C4orf50: variants seen among roughly 807,000 people sequenced by gnomAD.
C4orf50 encodes uncharacterized protein C4orf50.
C4orf50 carries 80 observed loss-of-function variants against 77.2 expected under a neutral mutation model. The ratio of observed to expected loss-of-function variants is 1.04; its 90% CI spans 0.87 to 1.25. The LOEUF (loss-of-function observed/expected upper bound fraction) is 1.25. C4orf50 is among the 50% of genes most tolerant of loss of function. The pLI is 0.00. For missense variants in C4orf50, 1,257 were observed against 1,152.9 expected (o/e 1.09, Z -1.31); for synonymous variants, 532 against 465.3 (o/e 1.14, Z -1.84).
exon 28 of C4orf50, chr4:5,989,000 C>G (rs979270183): frequency 6.5e-7 from 1 of 1,535,948 alleles, no homozygotes; most frequent in African/African-American, 1.4e-5. Context: ...TCTTCAAGCT[C>G]CAAAATTTTG....
At chr4:5,910,141 G>C (rs567754292) in intron 7 of C4orf50, among the ~76,000 whole-genome samples, 1 of 152,108 alleles carries the variant, frequency 6.6e-6, no homozygotes, top group Non-Finnish European at 1.5e-5. Flanking sequence ...TTTTATACAA[G>C]ATCTGTCAGA....
intron 33 of C4orf50, among the ~76,000 whole-genome samples, chr4:5,960,228 T>G (rs181805861): frequency 6.6e-6 from 1 of 152,376 alleles, no homozygotes; most frequent in Admixed American, 6.5e-5. Flanking sequence ...ACCTCCACTC[T>G]TTCTACGTCT....
At position 5,973,573 on chromosome 4, in the gene C4orf50, G is replaced by A. The variant is rs1720056217; in HGVS notation, c.4104+86C>T. 3 of 1,137,470 alleles carry A rather than the reference G, an allele frequency of 2.6e-6. No homozygotes were observed. In the East Asian group the frequency reaches 7.3e-5, roughly 28 times the overall value. The allele number at this position is 1,137,470 out of a possible 1,614,324, so 70.5% of individuals were successfully genotyped here. On this transcript the variant is annotated intron_variant, in intron 31 of 33. Transcript: ENST00000531445. ...CGGTGGGAGGGAGGGAGGAAAGGAG[G>A]GGCTGCTCCAGTCAGGCAGGGGCAT...
intron 7 of C4orf50, among the ~76,000 whole-genome samples, chr4:5,928,371 C>CACACACAG (rs1553913258): frequency 6.7e-6 from 1 of 148,890 alleles, no homozygotes; most frequent in Non-Finnish European, 1.5e-5. Flanking sequence ...CATACACACA[C>CACACACAG]ACACACATAC....
intron 29 of C4orf50, among the ~76,000 whole-genome samples, chr4:5,977,968 A>C (rs565396042): frequency 6.6e-6 from 1 of 152,368 alleles, no homozygotes; most frequent in East Asian, 1.9e-4. Context: ...CTCACAACTC[A>C]ACAAAAAGAG....
At chr4:5,907,321 A>T (rs1441638186) in intron 7 of C4orf50, among the ~76,000 whole-genome samples, 1 of 152,254 alleles carries the variant, frequency 6.6e-6, no homozygotes, top group Non-Finnish European at 1.5e-5. Context: ...CATGTGGGAC[A>T]CTAAAAGATG....
chr4:5,967,587 G>C, intron 31 of C4orf50, 125 bp from the exon 10 acceptor site: 1 of 770,992 alleles, frequency 1.3e-6, no homozygotes, highest in Non-Finnish European at 2.3e-6. Flanking sequence ...TTCTGTGTAG[G>C]ACCAACCCTG....
At chr4:5,994,877 T>G (rs932112864) in intron 25 of C4orf50, among the ~76,000 whole-genome samples, 1 of 152,120 alleles carries the variant, frequency 6.6e-6, no homozygotes, top group Non-Finnish European at 1.5e-5. Context: ...CCGCCTGAGC[T>G]CCGCCTCCTG....
chr4:5,976,467 A>C (rs1178588886), intron 29 of C4orf50, among the ~76,000 whole-genome samples: 1 of 149,554 alleles, frequency 6.7e-6, no homozygotes, highest in Non-Finnish European at 1.5e-5. Flanking sequence ...GAAAAAAAAA[A>C]AAAAAAAAAA....
intron 7 of C4orf50, among the ~76,000 whole-genome samples, chr4:5,910,963 T>C (rs953094929): frequency 2.3e-5 from 3 of 132,756 alleles, no homozygotes; most frequent in Non-Finnish European, 4.6e-5. Context: ...TGGAGTGCGG[T>C]GGTGTGAACT....
intron 7 of C4orf50, among the ~76,000 whole-genome samples, chr4:5,934,138 C>T (rs1717893979): frequency 6.6e-6 from 1 of 152,082 alleles, no homozygotes; most frequent in Admixed American, 6.5e-5. Flanking sequence ...CCTCGGTCTC[C>T]TCATCTGTAA....
At chr4:5,959,754 G>C (rs1429040183) in intron 33 of C4orf50, 128 bp from the exon 12 acceptor site, 2 of 1,114,050 alleles carry the variant, frequency 1.8e-6, no homozygotes, top group Non-Finnish European at 2.5e-6. Context: ...TTCTGTGCCT[G>C]GCACCAAATA....
intron 28 of C4orf50, among the ~76,000 whole-genome samples, chr4:5,984,817 C>G (rs1426576348): frequency 6.7e-6 from 1 of 148,866 alleles, no homozygotes. Flanking sequence ...CTAAGTCTGA[C>G]AGAAAAGACA....
intron 24 of C4orf50, among the ~76,000 whole-genome samples, chr4:6,010,691 A>C (rs1298922212): frequency 1.3e-5 from 2 of 152,254 alleles, no homozygotes; most frequent in Admixed American, 6.5e-5. Context: ...AAATAGCAGC[A>C]GACTAGAACA....
Position 5,970,560 on chromosome 4 carries a change from G to A in C4orf50, c.4105-3098C>T, listed in dbSNP as rs1485934826. Among the ~76,000 whole-genome samples, 9 of 152,166 alleles carry A rather than the reference G, an allele frequency of 5.9e-5. No individual in the cohort carries two copies. Among genetic ancestry groups the A allele is most frequent in the South Asian group, 2.1e-4 (1 of 4,830 alleles). On this transcript the variant is annotated intron_variant, in intron 31 of 33. Transcript: ENST00000531445. The surrounding 1 kb of genome is among the most constrained non-coding windows in gnomAD (Gnocchi z 4.3). ...AGCACAGACAGCGGTGCTGGGACCC[G>A]TGGCCCCCAGCCCAACACCACATGC... is the stretch of plus-strand genomic sequence containing the variant.
At chr4:5,977,846 G>T (rs16837980) in intron 29 of C4orf50, among the ~76,000 whole-genome samples, 1,665 of 152,260 alleles carry the variant, frequency 0.011, 28 homozygotes, top group African/African-American at 0.039. Flanking sequence ...TTGGGCATTT[G>T]CAATCAAAAA....
chr4:5,977,316 A>G (rs1427163487), intron 29 of C4orf50, among the ~76,000 whole-genome samples: 1 of 152,194 alleles, frequency 6.6e-6, no homozygotes, highest in Non-Finnish European at 1.5e-5. Flanking sequence ...TAAAAAAATC[A>G]AATAAAAAGC....
At chr4:6,010,613 C>T (rs1433058600) in intron 24 of C4orf50, among the ~76,000 whole-genome samples, 1 of 152,146 alleles carries the variant, frequency 6.6e-6, no homozygotes, top group African/African-American at 2.4e-5. Context: ...AGTTGTAAGC[C>T]CCTGAATCGA....
At chr4:5,980,820 T>C (rs1577961554) in intron 28 of C4orf50, among the ~76,000 whole-genome samples, 1 of 152,322 alleles carries the variant, frequency 6.6e-6, no homozygotes, top group Admixed American at 6.5e-5. Flanking sequence ...AAGCATAATA[T>C]ATTTATATGA....
Sources: gnomAD v4.1 joint callset for allele counts (sites outside exome capture counted in the v4.1 genomes callset) on GRCh38, gnomAD v4.1.1 for gene constraint, Gnocchi (gnomAD v3.1) non-coding constraint, MANE v1.5 for transcripts, NCBI Gene and HGNC (gene_info 2026-07-23, HGNC 2026-07-21) for gene names.